CHFR: variants seen among roughly 807,000 people sequenced by gnomAD.
CHFR encodes the protein E3 ubiquitin-protein ligase CHFR.
CHFR carries 57 observed loss-of-function variants against 87.6 expected under a neutral mutation model. The ratio of observed to expected loss-of-function variants is 0.65; its 90% CI spans 0.53 to 0.81. The LOEUF is 0.81. CHFR is among the 30% of genes least tolerant of loss of function. The probability of loss-of-function intolerance (pLI) is 0.00; values close to 1 mark genes in which losing one functional copy is unlikely to be tolerated. For missense variants in CHFR, 797 were observed against 865.8 expected (o/e 0.92, Z 1.00); for synonymous variants, 381 against 359.2 (o/e 1.06, Z -0.69).
chr12:132,847,266 G>A, intron 14 of CHFR, 136 bp from the exon 15 acceptor site: 1 of 1,437,722 alleles, frequency 7.0e-7, no homozygotes, highest in Non-Finnish European at 9.2e-7. Context: ...AGTGGCATTT[G>A]CAGAGGGCTG....
chr12:132,869,664 A>T lies in CHFR; in HGVS notation c.538T>A (p.Ser180Thr). The T allele has an allele frequency of 6.4e-7, 1 of 1,551,612 alleles. No homozygotes were observed. The highest frequency in any genetic ancestry group is 8.7e-7 in the Non-Finnish European group (1 of 1,146,974). ...CGCCCTGCAGGAGAAGGCTCCGTGG[A>T]AGAGGCCGAGGCTGTGGGGAAGAGG... ...SDLFPTASASSTEPSPAGRER... is the reference protein window; with the variant it reads ...SDLFPTASASTTEPSPAGRER... Residue 180 changes from serine to threonine, a missense_variant, in exon 6 of 18, where the codon TCC becomes ACC. By Grantham distance (58) the Ser-to-Thr change is moderately conservative. This residue lies in a region of CHFR where 597 missense variants were observed against 601.2 expected (regional missense o/e 0.99). Transcript: ENST00000450056.
chr12:132,857,679 TA>T, intron 8 of CHFR, 120 bp from the exon 9 acceptor site: 1 of 909,088 alleles, frequency 1.1e-6, no homozygotes, highest in Non-Finnish European at 1.6e-6. Context: ...TCGTTCAACC[TA>T]AAAACCCTTT....
At chr12:132,857,667 C>A in intron 8 of CHFR, 108 bp from the exon 9 acceptor site, 7 of 1,061,174 alleles carry the variant, frequency 6.6e-6, no homozygotes, top group Non-Finnish European at 9.5e-6. Flanking sequence ...GGGGCCCAGC[C>A]ATCGTTCAAC....
At chr12:132,857,729 A>G (rs898959552) in intron 8 of CHFR, among the ~76,000 whole-genome samples, 170 bp from the exon 9 acceptor site, 1 of 152,198 alleles carries the variant, frequency 6.6e-6, no homozygotes, top group African/African-American at 2.4e-5. Flanking sequence ...CAGAGGCCAC[A>G]CGGCCTCTGT....
rs142798479 is a variant in CHFR, at chr12:132,832,810, G to C, written c.*8744C>G. Reference sequence around the variant, plus strand: ...ACCCGTGTTGTGTGTGCAGTTCAGCGACTGTAGTAAATGTGCAGAGCTGTG... The same window carrying C: ...ACCCGTGTTGTGTGTGCAGTTCAGCCACTGTAGTAAATGTGCAGAGCTGTG... On this transcript the variant is annotated 3_prime_UTR_variant, in exon 18 of 18. Transcript: ENST00000450056. 1 of 152,086 alleles carries C rather than the reference G, an allele frequency of 6.6e-6. No homozygotes were observed. Among genetic ancestry groups the C allele is most frequent in the Non-Finnish European group, 1.5e-5 (1 of 68,020 alleles). 9.4% of individuals were successfully genotyped at this position (152,086 alleles called of 1,614,324 possible). A position where few individuals can be genotyped will look rare whatever the true frequency, so the allele number is the denominator to read the frequency against.
intron 7 of CHFR, 123 bp downstream of exon 7, chr12:132,861,344 C>T (rs577788841): frequency 2.1e-6 from 2 of 975,120 alleles, no homozygotes; most frequent in South Asian, 1.6e-5. Context: ...CAGGCATCAA[C>T]CTGAGGCAGG....
At chr12:132,865,536 A>G (rs1047561911) in intron 6 of CHFR, among the ~76,000 whole-genome samples, 4 of 150,888 alleles carry the variant, frequency 2.7e-5, no homozygotes, top group South Asian at 2.1e-4. Context: ...CCATGCCTGG[A>G]TAATTTTTGT....
chr12:132,883,163 C>T (rs531984616), intron 2 of CHFR: 1 of 152,328 alleles, frequency 6.6e-6, no homozygotes, highest in African/African-American at 2.4e-5. Flanking sequence ...CGCGGTGGAT[C>T]ACACCTGTAA....
intron 2 of CHFR, among the ~76,000 whole-genome samples, chr12:132,878,594 C>T (rs1421175330): frequency 4.0e-5 from 6 of 150,098 alleles, no homozygotes; most frequent in African/African-American, 9.8e-5. Flanking sequence ...CCGAGGCGGG[C>T]AGATCACAAG....
chr12:132,868,053 TC>T (rs1951389269), intron 6 of CHFR: 1 of 152,110 alleles, frequency 6.6e-6, no homozygotes, highest in African/African-American at 2.4e-5. Context: ...CAGAAAACAT[TC>T]CCGTCACGCT....
At chr12:132,852,569 C>T (rs1330938827) in intron 11 of CHFR, among the ~76,000 whole-genome samples, 1 of 152,222 alleles carries the variant, frequency 6.6e-6, no homozygotes, top group Middle Eastern at 3.2e-3. Context: ...CACCCAGGTT[C>T]ACTGAGCACC....
chr12:132,850,719 T>A (rs576258086), intron 12 of CHFR, among the ~76,000 whole-genome samples: 7 of 152,268 alleles, frequency 4.6e-5, no homozygotes, highest in South Asian at 4.1e-4. Context: ...GCTGTGGTCC[T>A]GTGTGCTGCT....
chr12:132,884,151 G>A (rs957180065), intron 2 of CHFR, among the ~76,000 whole-genome samples: 1 of 151,524 alleles, frequency 6.6e-6, no homozygotes, highest in Non-Finnish European at 1.5e-5. Flanking sequence ...GGGCACAGTG[G>A]CTCACGCCTG....
chr12:132,842,620 G>A (rs144812156), intron 17 of CHFR, among the ~76,000 whole-genome samples: 49 of 152,366 alleles, frequency 3.2e-4, no homozygotes, highest in Non-Finnish European at 5.6e-4. Context: ...AAGACACCAC[G>A]TGAGGGTGAC....
Position 132,856,646 on chromosome 12 carries a change from C to T in CHFR, c.1067-16G>A. The T allele has an allele frequency of 2.5e-6, 4 of 1,613,320 alleles. No individual in the cohort carries two copies. The South Asian group carries it at 4.4e-5, about 18-fold the overall frequency. On this transcript the variant is annotated splice_polypyrimidine_tract_variant and intron_variant, in intron 9 of 17. Transcript: ENST00000450056. ...CGACTCTTGTCTAGAATTGAAAGGA[C>T]ACAGCGCCATTCACCGGCAGTGAGA...
rs185318326 is a variant in CHFR, at chr12:132,877,667, G to A, written c.134-13C>T. 2.5e-6 allele frequency: 4 copies of A among 1,578,570 alleles called. No homozygotes were observed. Among genetic ancestry groups the A allele is most frequent in the East Asian group, 2.2e-5 (1 of 44,654 alleles). On this transcript the variant is annotated splice_polypyrimidine_tract_variant and intron_variant, in intron 2 of 17. Coordinates refer to ENST00000450056, the MANE Select transcript of CHFR (RefSeq NM_001161346.2). Reference sequence around the variant, plus strand: ...GAAAGGTCGCAACCTAAAAAAGAGAGGGTGGGTCAACACGGGATATGATCG... The same window carrying A: ...GAAAGGTCGCAACCTAAAAAAGAGAAGGTGGGTCAACACGGGATATGATCG...
chr12:132,843,995 C>T, intron 16 of CHFR, 32 bp downstream of exon 16: 1 of 1,393,400 alleles, frequency 7.2e-7, no homozygotes, highest in Non-Finnish European at 1.0e-6. Flanking sequence ...CCAGACAGAA[C>T]TAGAGCCATG....
chr12:132,853,084 G>A (rs993278850), intron 11 of CHFR, among the ~76,000 whole-genome samples: 7 of 152,220 alleles, frequency 4.6e-5, no homozygotes, highest in African/African-American at 1.7e-4. Context: ...CTTACTTGAG[G>A]GACAGATATG....
At chr12:132,863,466 T>C (rs56214606) in intron 6 of CHFR, among the ~76,000 whole-genome samples, 2 of 151,898 alleles carry the variant, frequency 1.3e-5, no homozygotes, top group Admixed American at 6.6e-5. Context: ...GTTCGCGCCA[T>C]TGCACTCCAG....
Sources: gnomAD v4.1 joint callset for allele counts (sites outside exome capture counted in the v4.1 genomes callset) on GRCh38, gnomAD v4.1.1 for gene constraint, gnomAD v4.1.1 regional missense constraint, MANE v1.5 for transcripts, NCBI Gene and HGNC (gene_info 2026-07-23, HGNC 2026-07-21) for gene names.